Variants in SPAG16 observed in about 807,000 individuals in gnomAD.
SPAG16 encodes sperm associated antigen 16.
A neutral mutation model predicts 80.4 loss-of-function variants in SPAG16; 86 were observed. The observed-to-expected ratio is 1.07, with a 90% CI of 0.90 to 1.28. SPAG16 has a LOEUF of 1.28. SPAG16 is among the 50% of genes most tolerant of loss of function. SPAG16 has a pLI of 0.00. For missense variants in SPAG16, 870 were observed against 765.3 expected (o/e 1.14, Z -1.61); for synonymous variants, 294 against 265.9 (o/e 1.11, Z -1.03).
At chr2:213,357,307 T>A (rs964725816) in intron 7 of SPAG16, among the ~76,000 whole-genome samples, 1 of 152,172 alleles carries the variant, frequency 6.6e-6, no homozygotes, top group South Asian at 2.1e-4. Flanking sequence ...GTCCTGGATA[T>A]CCTTGTTAAC....
At chr2:213,773,015 A>G (rs2069349759) in intron 10 of SPAG16, among the ~76,000 whole-genome samples, 1 of 150,008 alleles carries the variant, frequency 6.7e-6, no homozygotes, top group South Asian at 2.1e-4. Context: ...TTTCATTCAT[A>G]TGGTTTGTTT....
At chr2:213,689,327 A>G (rs559220302) in intron 10 of SPAG16, among the ~76,000 whole-genome samples, 1 of 152,180 alleles carries the variant, frequency 6.6e-6, no homozygotes, top group Non-Finnish European at 1.5e-5. Flanking sequence ...TTTTCTCTTC[A>G]CATGGTTCAG....
chr2:213,549,156 ATTTCT>A (rs1268994342), intron 10 of SPAG16, among the ~76,000 whole-genome samples: 1 of 151,962 alleles, frequency 6.6e-6, no homozygotes, highest in East Asian at 1.9e-4. Flanking sequence ...AATCCTATTT[ATTTCT>A]TTTCTGTTTT....
chr2:213,626,738 C>A (rs542469686), intron 10 of SPAG16, among the ~76,000 whole-genome samples: 1 of 148,250 alleles, frequency 6.7e-6, no homozygotes, highest in Admixed American at 6.9e-5. Context: ...ACCTCCGCCT[C>A]CTGAGTTCAA....
At chr2:214,063,165 T>C (rs1046849031) in intron 13 of SPAG16, among the ~76,000 whole-genome samples, 10 of 152,160 alleles carry the variant, frequency 6.6e-5, no homozygotes, top group African/African-American at 1.9e-4. Context: ...TTTAGCTCAA[T>C]AGCCATGTGT....
chr2:213,376,599 TA>T (rs748810150), intron 9 of SPAG16, among the ~76,000 whole-genome samples: 8 of 152,116 alleles, frequency 5.3e-5, no homozygotes, highest in Non-Finnish European at 1.2e-4. Context: ...GTTCTGTTTC[TA>T]TTTTTTTAAT....
chr2:213,801,590 A>C (rs1179477913), intron 10 of SPAG16, among the ~76,000 whole-genome samples: 3 of 152,342 alleles, frequency 2.0e-5, no homozygotes, highest in South Asian at 2.1e-4. Flanking sequence ...CTATGTGCTA[A>C]GGTTGATTTC....
intron 9 of SPAG16, among the ~76,000 whole-genome samples, chr2:213,480,321 G>C (rs2073679037): frequency 6.6e-6 from 1 of 152,170 alleles, no homozygotes; most frequent in African/African-American, 2.4e-5. Flanking sequence ...CCAATTGGTT[G>C]GGACAGTACT....
At chr2:213,522,782 C>G (rs909121544) in intron 10 of SPAG16, among the ~76,000 whole-genome samples, 1 of 146,626 alleles carries the variant, frequency 6.8e-6, no homozygotes, top group Non-Finnish European at 1.5e-5. Context: ...CTAAAATGCC[C>G]AAAACTTACA....
chr2:213,630,215 C>G (rs954790911), intron 10 of SPAG16, among the ~76,000 whole-genome samples: 1 of 152,092 alleles, frequency 6.6e-6, no homozygotes, highest in Non-Finnish European at 1.5e-5. Flanking sequence ...GAAACCTCAC[C>G]TCTACTAAAA....
chr2:213,389,438 C>T (rs1336788871), intron 9 of SPAG16, among the ~76,000 whole-genome samples: 3 of 151,880 alleles, frequency 2.0e-5, no homozygotes, highest in East Asian at 1.9e-4. Flanking sequence ...TTTGGGGCAT[C>T]GAAAGACTGT....
At chr2:213,445,049 G>A (rs1033551023) in intron 9 of SPAG16, among the ~76,000 whole-genome samples, 1 of 152,152 alleles carries the variant, frequency 6.6e-6, no homozygotes, top group African/African-American at 2.4e-5. Flanking sequence ...ATATGCAGAA[G>A]AATGAAACCG....
chr2:213,551,916 C>T (rs1276171407), intron 10 of SPAG16, among the ~76,000 whole-genome samples: 1 of 152,072 alleles, frequency 6.6e-6, no homozygotes, highest in African/African-American at 2.4e-5. Flanking sequence ...CTTGACTATG[C>T]CCAGTAGCAA....
At chr2:213,442,367 A>G (rs1396423583) in intron 9 of SPAG16, among the ~76,000 whole-genome samples, 1 of 152,206 alleles carries the variant, frequency 6.6e-6, no homozygotes, top group Non-Finnish European at 1.5e-5. Context: ...CAGTAGATTG[A>G]TTGCATTGCC....
At chr2:214,410,072 A>G in intron 15 of SPAG16, 68 bp from the exon 16 acceptor site, 1 of 1,565,750 alleles carries the variant, frequency 6.4e-7, no homozygotes, top group East Asian at 2.3e-5. Context: ...TTCATTGCTT[A>G]TAAACTGTGA....
At chr2:213,702,532 C>T (rs752523667) in intron 10 of SPAG16, among the ~76,000 whole-genome samples, 1 of 152,156 alleles carries the variant, frequency 6.6e-6, no homozygotes, top group Non-Finnish European at 1.5e-5. Flanking sequence ...CGCGAGGGTC[C>T]ACAGCTTCAT....
chr2:213,452,142 C>T lies in SPAG16; in HGVS notation c.943-37821C>T, dbSNP rs145670409. The stretch of plus-strand genomic sequence containing the variant: ...AAGTTGCTTGTCTGTGTTTTTCAGC[C>T]TGATCTTCCAGGCTGCTCTTTGTTA... On this transcript the variant is annotated intron_variant, in intron 9 of 15. Transcript: ENST00000331683. Among the ~76,000 whole-genome samples the T allele has an allele frequency of 2.1e-3, 326 of 152,306 alleles. 3 individuals carry two copies. Among genetic ancestry groups the T allele is most frequent in the African/African-American group, 7.6e-3 (318 of 41,572 alleles).
intron 13 of SPAG16, among the ~76,000 whole-genome samples, chr2:214,081,395 C>T (rs1198692234): frequency 2.0e-5 from 3 of 152,056 alleles, no homozygotes; most frequent in Non-Finnish European, 2.9e-5. Context: ...TGGGTGTTTG[C>T]AGATGTAATT....
chr2:213,719,655 T>C lies in SPAG16; in HGVS notation c.1071-142830T>C, dbSNP rs73086672. On this transcript the variant is annotated intron_variant, in intron 10 of 15. Coordinates refer to ENST00000331683, the MANE Select transcript of SPAG16 (RefSeq NM_024532.5). ...GGACACAATACCATCTCATGCTAGTTAGATCGGCAATCATTAAAAAGTCAG... is the reference window on the plus strand; with the variant it reads ...GGACACAATACCATCTCATGCTAGTCAGATCGGCAATCATTAAAAAGTCAG... 2.2e-3 allele frequency among the ~76,000 whole-genome samples: 334 copies of C among 152,290 alleles called. 1 individual carries two copies. Among genetic ancestry groups the C allele is most frequent in the African/African-American group, 7.7e-3 (318 of 41,566 alleles).
Sources: gnomAD v4.1 joint callset for allele counts (sites outside exome capture counted in the v4.1 genomes callset) on GRCh38, gnomAD v4.1.1 for gene constraint, MANE v1.5 for transcripts, NCBI Gene and HGNC (gene_info 2026-07-23, HGNC 2026-07-21) for gene names.